The following C1orf21 variants were observed in gnomAD, a reference collection of about 807,000 sequenced individuals.
The protein encoded by C1orf21 is chromosome 1 open reading frame 21.
C1orf21 carries 3 observed loss-of-function variants against 18.7 expected under a neutral mutation model. The ratio of observed to expected loss-of-function variants is 0.16; its 90% CI spans 0.07 to 0.42. The LOEUF is 0.42. Ranked by LOEUF, C1orf21 falls within the 10% of genes least tolerant of loss-of-function variation. The pLI, the probability that C1orf21 is intolerant of heterozygous loss-of-function variation, is 0.99. For missense variants in C1orf21, 104 were observed against 143.6 expected (o/e 0.72, Z 1.41); for synonymous variants, 41 against 46.4 (o/e 0.88, Z 0.47).
chr1:184,458,511 A>G (rs1281134085), intron 1 of C1orf21, among the ~76,000 whole-genome samples: 4 of 152,182 alleles, frequency 2.6e-5, no homozygotes, highest in Non-Finnish European at 5.9e-5. Context: ...TGAAGCCATA[A>G]GAACTATATA....
rs376449814 is a variant in C1orf21, at chr1:184,418,332, C to T, written c.-125+30964C>T. 3.5e-4 allele frequency among the ~76,000 whole-genome samples: 54 copies of T among 152,258 alleles called. No homozygotes were observed. The South Asian group carries it at 0.01, about 29-fold the overall frequency. ...CTCCTGGGCTCAGGTGATCTTCCCA[C>T]CTCAGCCTCCCAAATAGCTGGCATG... On this transcript the variant is annotated intron_variant, in intron 1 of 5. Transcript: ENST00000235307.
chr1:184,594,166 T>C (rs1045887019), intron 4 of C1orf21, among the ~76,000 whole-genome samples: 1 of 152,202 alleles, frequency 6.6e-6, no homozygotes, highest in African/African-American at 2.4e-5. Flanking sequence ...ATGCATGAAC[T>C]ACTAGTAGGA....
intron 1 of C1orf21, among the ~76,000 whole-genome samples, chr1:184,434,668 T>C (rs983432398): frequency 1.3e-5 from 2 of 152,050 alleles, no homozygotes; most frequent in Admixed American, 1.3e-4. Flanking sequence ...AATTGAATGA[T>C]GAGAAGGGTG....
rs1226095337 is a variant in C1orf21, at chr1:184,623,016, C to T, written c.*3460C>T. On this transcript the variant is annotated 3_prime_UTR_variant, in exon 6 of 6. Transcript: ENST00000235307. ...TGCTATAACTTTATCCTCTTCCCAG[C>T]CTCATCCCTGTTTTTCTGTTAGGGC... The T allele has an allele frequency of 1.3e-5, 2 of 152,248 alleles. No individual in the cohort carries two copies. Among genetic ancestry groups the T allele is most frequent in the Non-Finnish European group, 2.9e-5 (2 of 68,056 alleles). 9.4% of individuals were successfully genotyped at this position (152,248 alleles called of 1,614,324 possible). A position where few individuals can be genotyped will look rare whatever the true frequency, so the allele number is the denominator to read the frequency against.
At chr1:184,431,107 G>A (rs1656756176) in intron 1 of C1orf21, among the ~76,000 whole-genome samples, 1 of 152,088 alleles carries the variant, frequency 6.6e-6, no homozygotes, top group Admixed American at 6.5e-5. Context: ...AGGAATGCTT[G>A]TGATTTTTGC....
intron 1 of C1orf21, among the ~76,000 whole-genome samples, chr1:184,393,972 A>G (rs571871626): frequency 6.6e-6 from 1 of 152,332 alleles, no homozygotes; most frequent in South Asian, 2.1e-4. Context: ...TGCCAAGTGA[A>G]GATTCTTTAG....
rs1659957743 is a variant in C1orf21 at position 184,623,520 on chromosome 1, GT to G, written c.*3965del. Reference sequence around the variant, plus strand: ...CAAAAAAAATAATAAGGCATGATTGGTGGGGAGGGAATGTGTATTTAGGGGC... The same window carrying G: ...CAAAAAAAATAATAAGGCATGATTGGGGGGAGGGAATGTGTATTTAGGGGC... On this transcript the variant is annotated 3_prime_UTR_variant, in exon 6 of 6. Coordinates refer to ENST00000235307, the MANE Select transcript of C1orf21 (RefSeq NM_030806.4). 1 of 152,148 alleles carries G rather than the reference GT, an allele frequency of 6.6e-6. No homozygotes were observed. Among genetic ancestry groups the G allele is most frequent in the South Asian group, 2.1e-4 (1 of 4,826 alleles). 9.4% of individuals were successfully genotyped at this position (152,148 alleles called of 1,614,324 possible). A position where few individuals can be genotyped will look rare whatever the true frequency, so the allele number is the denominator to read the frequency against.
rs138375073 is a variant in C1orf21 at position 184,583,223 on chromosome 1, G to A, written c.190-7516G>A. The stretch of plus-strand genomic sequence containing the variant: ...GGGAATAAGGGATTGGGAAGCTCGC[G>A]ACAACAGCATAAGTATAGTGAGTTT... On this transcript the variant is annotated intron_variant, in intron 3 of 5. Transcript: ENST00000235307. 2.0e-3 allele frequency among the ~76,000 whole-genome samples: 310 copies of A among 152,280 alleles called. 1 individual carries two copies. Among genetic ancestry groups the A allele is most frequent in the African/African-American group, 7.3e-3 (304 of 41,554 alleles).
chr1:184,500,676 G>T (rs1044597177), intron 2 of C1orf21, among the ~76,000 whole-genome samples: 1 of 152,184 alleles, frequency 6.6e-6, no homozygotes, highest in African/African-American at 2.4e-5. Context: ...TGAAGCCAGT[G>T]CTGTGTTCGT....
chr1:184,416,068 T>A (rs1305023373), intron 1 of C1orf21, among the ~76,000 whole-genome samples: 1 of 152,180 alleles, frequency 6.6e-6, no homozygotes, highest in Non-Finnish European at 1.5e-5. Flanking sequence ...CCAAACCACA[T>A]CTTCATAGGA....
At chr1:184,575,429 C>T (rs1186591275) in intron 3 of C1orf21, among the ~76,000 whole-genome samples, 2 of 151,978 alleles carry the variant, frequency 1.3e-5, no homozygotes, top group African/African-American at 4.8e-5. Context: ...CCTTCATTTA[C>T]TCTGACTTCT....
chr1:184,585,279 A>T (rs1206728185), intron 3 of C1orf21, among the ~76,000 whole-genome samples: 1 of 152,170 alleles, frequency 6.6e-6, no homozygotes, highest in East Asian at 1.9e-4. Flanking sequence ...TGGTGTTGAC[A>T]TATGCACTGA....
chr1:184,566,545 G>A, intron 3 of C1orf21: 1 of 362,954 alleles, frequency 2.8e-6, no homozygotes, highest in Admixed American at 3.1e-5. Flanking sequence ...CTAACACACA[G>A]CCTCAGGTGC....
chr1:184,618,916 C>T (rs1417799741), intron 5 of C1orf21, among the ~76,000 whole-genome samples: 3 of 152,184 alleles, frequency 2.0e-5, no homozygotes, highest in African/African-American at 7.2e-5. Context: ...AATATGTTCA[C>T]AAATAACCAT....
intron 1 of C1orf21, among the ~76,000 whole-genome samples, chr1:184,407,787 G>A (rs952734201): frequency 3.9e-5 from 6 of 152,102 alleles, no homozygotes; most frequent in Non-Finnish European, 7.4e-5. Context: ...GATGCCAGAT[G>A]AACAATATAT....
intron 3 of C1orf21, among the ~76,000 whole-genome samples, chr1:184,573,242 TTTAATA>T (rs1190490388): frequency 6.6e-6 from 1 of 152,238 alleles, no homozygotes; most frequent in Non-Finnish European, 1.5e-5. Flanking sequence ...CAAAATCTCT[TTTAATA>T]TTATTTTCAC....
intron 1 of C1orf21, among the ~76,000 whole-genome samples, chr1:184,445,923 A>G: frequency 6.6e-6 from 1 of 152,216 alleles, no homozygotes. Flanking sequence ...TCCCTTGCCA[A>G]GTAGAAGGAT....
chr1:184,591,266 T>G (rs1197232970), intron 4 of C1orf21, among the ~76,000 whole-genome samples: 1 of 152,154 alleles, frequency 6.6e-6, no homozygotes, highest in African/African-American at 2.4e-5. Context: ...AAAGCTTTAG[T>G]AATTGAGAAA....
chr1:184,579,904 T>A (rs1035420524), intron 3 of C1orf21, among the ~76,000 whole-genome samples: 20 of 152,024 alleles, frequency 1.3e-4, no homozygotes, highest in African/African-American at 4.8e-4. Flanking sequence ...GACTGTAGGG[T>A]GGATGCCTAA....
Sources: gnomAD v4.1 joint callset for allele counts (sites outside exome capture counted in the v4.1 genomes callset) on GRCh38, gnomAD v4.1.1 for gene constraint, MANE v1.5 for transcripts, NCBI Gene and HGNC (gene_info 2026-07-23, HGNC 2026-07-21) for gene names.